GALNT13: variants seen among roughly 807,000 people sequenced by gnomAD.
GALNT13 encodes the protein UDP-GalNAc:polypeptide N-acetylgalactosaminyltransferase 13.
GALNT13 carries 28 observed loss-of-function variants against 64.2 expected under a neutral mutation model. The ratio of observed to expected loss-of-function variants is 0.44; its 90% CI spans 0.32 to 0.60. The LOEUF (loss-of-function observed/expected upper bound fraction) is 0.60. GALNT13 is among the 20% of genes least tolerant of loss of function. The probability of loss-of-function intolerance (pLI) is 0.05; values close to 1 mark genes in which losing one functional copy is unlikely to be tolerated. For synonymous variants in GALNT13, 214 were observed against 224.6 expected (o/e 0.95, Z 0.42); for missense variants, 577 against 669.8 (o/e 0.86, Z 1.53).
the GALNT13 span, among the ~76,000 whole-genome samples, chr2:153,539,907 C>T: frequency 1.5e-4 from 23 of 152,024 alleles, no homozygotes; most frequent in East Asian, 3.1e-3. Flanking sequence ...AAGAGGTGAC[C>T]GAGCATAAAA....
At chr2:154,016,140 G>T (rs1696988928) in intron 3 of GALNT13, among the ~76,000 whole-genome samples, 1 of 152,120 alleles carries the variant, frequency 6.6e-6, no homozygotes, top group South Asian at 2.1e-4. Context: ...ATTGATAATG[G>T]AGCGAAGCAT....
chr2:153,423,181 T>C, the GALNT13 span, among the ~76,000 whole-genome samples: 4 of 151,920 alleles, frequency 2.6e-5, no homozygotes, highest in Non-Finnish European at 1.5e-5. Context: ...TGATGAATTT[T>C]TTTCTTAAGA....
At chr2:154,166,281 T>G (rs1474170113) in intron 4 of GALNT13, among the ~76,000 whole-genome samples, 2 of 152,156 alleles carry the variant, frequency 1.3e-5, no homozygotes, top group Non-Finnish European at 2.9e-5. Context: ...GGCATGTGCC[T>G]GTAATCCTAG....
At chr2:153,560,455 T>G in the GALNT13 span, among the ~76,000 whole-genome samples, 4 of 152,076 alleles carry the variant, frequency 2.6e-5, no homozygotes, top group Non-Finnish European at 5.9e-5. Context: ...CTACTTCTTT[T>G]AGAATTTTAA....
At chr2:154,075,758 CTTTTG>C (rs1284574785) in intron 3 of GALNT13, among the ~76,000 whole-genome samples, 1 of 151,066 alleles carries the variant, frequency 6.6e-6, no homozygotes, top group Non-Finnish European at 1.5e-5. Flanking sequence ...GGGGTAAATA[CTTTTG>C]TTTTATTTTT....
chr2:154,313,605 T>C (rs1694172830), intron 9 of GALNT13, among the ~76,000 whole-genome samples: 2 of 151,686 alleles, frequency 1.3e-5, no homozygotes, highest in South Asian at 2.1e-4. Flanking sequence ...TAGGCATGCA[T>C]CACCATGCCC....
intron 9 of GALNT13, among the ~76,000 whole-genome samples, chr2:154,391,960 A>C (rs1698814663): frequency 6.6e-6 from 1 of 152,162 alleles, no homozygotes. Context: ...GAAGAAGTAA[A>C]TTTTCAGCAA....
At chr2:153,189,124 A>T in the GALNT13 span, among the ~76,000 whole-genome samples, 1 of 152,292 alleles carries the variant, frequency 6.6e-6, no homozygotes, top group African/African-American at 2.4e-5. Context: ...TATCCTTTCC[A>T]GACAGTTTTT....
the GALNT13 span, among the ~76,000 whole-genome samples, chr2:153,490,210 A>G: frequency 6.6e-6 from 1 of 152,198 alleles, no homozygotes; most frequent in Non-Finnish European, 1.5e-5. Flanking sequence ...AATGGTATTA[A>G]AAGTTATCTA....
At chr2:153,987,279 G>A (rs1694862888) in intron 3 of GALNT13, among the ~76,000 whole-genome samples, 1 of 151,840 alleles carries the variant, frequency 6.6e-6, no homozygotes, top group African/African-American at 2.4e-5. Context: ...AAAAGAGATA[G>A]GGTTCTTGTG....
At chr2:153,222,307 T>TGGGGGG in the GALNT13 span, among the ~76,000 whole-genome samples, 14 of 6,320 alleles carry the variant, frequency 2.2e-3, no homozygotes, top group Non-Finnish European at 6.4e-3. Flanking sequence ...TGAGTCTGGC[T>TGGGGGG]GGGGGGGGGG....
intron 3 of GALNT13, among the ~76,000 whole-genome samples, chr2:153,948,163 G>A (rs966477247): frequency 3.3e-5 from 5 of 151,754 alleles, no homozygotes; most frequent in African/African-American, 1.2e-4. Context: ...TGACTTTTGG[G>A]CTTTTTTTGG....
At chr2:153,750,287 T>C in the GALNT13 span, among the ~76,000 whole-genome samples, 2 of 151,926 alleles carry the variant, frequency 1.3e-5, no homozygotes, top group African/African-American at 4.8e-5. Context: ...CATAGTTTTC[T>C]TTTTTTAATG....
intron 2 of GALNT13, among the ~76,000 whole-genome samples, chr2:153,917,806 G>A (rs1440477641): frequency 6.6e-6 from 1 of 152,028 alleles, no homozygotes; most frequent in Non-Finnish European, 1.5e-5. Context: ...AAACTAAAAG[G>A]TATCTTGGAA....
the GALNT13 span, among the ~76,000 whole-genome samples, chr2:153,375,993 A>G: frequency 6.6e-6 from 1 of 151,966 alleles, no homozygotes; most frequent in East Asian, 1.9e-4. Flanking sequence ...GGCTCTTTTT[A>G]CAACCAGCTG....
At chr2:153,973,667 G>A (rs1693888860) in intron 3 of GALNT13, among the ~76,000 whole-genome samples, 1 of 150,302 alleles carries the variant, frequency 6.7e-6, no homozygotes, top group African/African-American at 2.5e-5. Context: ...TTTAAGGAAA[G>A]CATCTAACAA....
At chr2:154,370,578 TG>T (rs1697627302) in intron 9 of GALNT13, among the ~76,000 whole-genome samples, 1 of 152,112 alleles carries the variant, frequency 6.6e-6, no homozygotes, top group Non-Finnish European at 1.5e-5. Context: ...TCTTATGAGC[TG>T]CTGTGTGGTT....
the GALNT13 span, among the ~76,000 whole-genome samples, chr2:153,403,569 C>T: frequency 6.6e-6 from 1 of 152,188 alleles, no homozygotes. Flanking sequence ...GCTGTGCTAG[C>T]AATCAGCGAG....
At chr2:154,115,015 AT>A (rs1372154815) in intron 3 of GALNT13, among the ~76,000 whole-genome samples, 5 of 152,208 alleles carry the variant, frequency 3.3e-5, no homozygotes, top group African/African-American at 1.2e-4. Flanking sequence ...GAGAAGAGCA[AT>A]TACAGGGTTT....
Sources: gnomAD v4.1 joint callset for allele counts (sites outside exome capture counted in the v4.1 genomes callset) on GRCh38, gnomAD v4.1.1 for gene constraint, MANE v1.5 for transcripts, NCBI Gene and HGNC (gene_info 2026-07-23, HGNC 2026-07-21) for gene names.